Variants in CRTAC1 observed in about 807,000 individuals in gnomAD.
CRTAC1 encodes cartilage acidic protein 1.
Under a neutral mutation model 67.8 loss-of-function variants are expected in CRTAC1, and 37 were observed. The ratio of observed to expected loss-of-function variants is 0.55; its 90% CI spans 0.42 to 0.72. The LOEUF is 0.72. Ranked by LOEUF, CRTAC1 falls within the 30% of genes least tolerant of loss-of-function variation. CRTAC1 has a pLI of 0.00. For synonymous variants in CRTAC1, 348 were observed against 371.0 expected (o/e 0.94, Z 0.71); for missense variants, 780 against 931.6 (o/e 0.84, Z 2.12).
chr10:97,987,578 C>T (rs1488718199), intron 2 of CRTAC1, among the ~76,000 whole-genome samples: 1 of 152,218 alleles, frequency 6.6e-6, no homozygotes, highest in African/African-American at 2.4e-5. Context: ...CAGCAGGCTG[C>T]AAGATTTTCC....
At chr10:97,969,055 C>G (rs995714790) in intron 2 of CRTAC1, among the ~76,000 whole-genome samples, 6 of 152,168 alleles carry the variant, frequency 3.9e-5, no homozygotes, top group Non-Finnish European at 5.9e-5. Flanking sequence ...TCCTTTCCCC[C>G]CCATGTCAAA....
intron 11 of CRTAC1, among the ~76,000 whole-genome samples, chr10:97,891,130 T>C (rs2050366410): frequency 6.6e-6 from 1 of 152,230 alleles, no homozygotes; most frequent in South Asian, 2.1e-4. Flanking sequence ...AGTAAATATG[T>C]AGTCACTAAA....
chr10:98,022,367 A>AAAAG (rs1279603738), intron 1 of CRTAC1, among the ~76,000 whole-genome samples: 2 of 152,218 alleles, frequency 1.3e-5, no homozygotes, highest in South Asian at 2.1e-4. Flanking sequence ...AAAAGAAAAA[A>AAAAG]AAAGAAAGAA....
chr10:97,909,811 G>A (rs1038967445), intron 5 of CRTAC1, among the ~76,000 whole-genome samples: 3 of 152,118 alleles, frequency 2.0e-5, no homozygotes, highest in African/African-American at 7.2e-5. Flanking sequence ...GATACGAAGT[G>A]TCCATCAATG....
chr10:97,925,501 G>T (rs2050899470), intron 3 of CRTAC1, among the ~76,000 whole-genome samples: 1 of 151,812 alleles, frequency 6.6e-6, no homozygotes, highest in East Asian at 1.9e-4. Flanking sequence ...GAGTGAGTGA[G>T]AATGTGGGCA....
intron 2 of CRTAC1, among the ~76,000 whole-genome samples, chr10:97,993,564 G>A (rs1006345034): frequency 2.0e-5 from 3 of 152,174 alleles, no homozygotes; most frequent in Non-Finnish European, 4.4e-5. Context: ...CTATGCACAC[G>A]GTAGGGTAGG....
intron 2 of CRTAC1, among the ~76,000 whole-genome samples, chr10:97,997,692 G>A (rs2136680105): frequency 6.6e-6 from 1 of 152,238 alleles, no homozygotes; most frequent in Non-Finnish European, 1.5e-5. Context: ...TAAGCAGTAA[G>A]ACATTATCAG....
At chr10:97,953,672 C>A (rs1006070394) in intron 2 of CRTAC1, among the ~76,000 whole-genome samples, 1 of 152,208 alleles carries the variant, frequency 6.6e-6, no homozygotes, top group African/African-American at 2.4e-5. Flanking sequence ...TTATCTCCCC[C>A]ACCTTTCAGT....
At chr10:98,008,268 G>A (rs1439080708) in intron 2 of CRTAC1, among the ~76,000 whole-genome samples, 1 of 152,228 alleles carries the variant, frequency 6.6e-6, no homozygotes, top group Non-Finnish European at 1.5e-5. Flanking sequence ...ATGCCTTTGA[G>A]AGAGATGCTG....
intron 2 of CRTAC1, among the ~76,000 whole-genome samples, chr10:98,006,732 T>C (rs1842798186): frequency 6.6e-6 from 1 of 152,232 alleles, no homozygotes; most frequent in African/African-American, 2.4e-5. Flanking sequence ...CGGAGCGCTT[T>C]ATAAACTGAA....
At chr10:97,940,471 T>C (rs1384309450) in intron 2 of CRTAC1, among the ~76,000 whole-genome samples, 2 of 152,238 alleles carry the variant, frequency 1.3e-5, no homozygotes, top group East Asian at 1.9e-4. Flanking sequence ...GAAGCAGCTA[T>C]GGCTTCCTAA....
At position 97,901,607 on chromosome 10, in the gene CRTAC1, G is replaced by A. The variant is rs746140210; in HGVS notation, c.1029C>T (p.Ser343=). 3.7e-6 allele frequency: 6 copies of A among 1,614,082 alleles called. No homozygotes were observed. Among genetic ancestry groups the A allele is most frequent in the Non-Finnish European group, 5.1e-6 (6 of 1,180,038 alleles). ...CGGCGGTGATGACCGTGCGGACAGG[G>A]GAGGGCATGGAGAACTTGGGTGAGG... The part of the protein sequence containing the change: ...DIASPKFSMP[S]PVRTVITADF... The change falls in exon 8 of 15, where the codon TCC becomes TCT. Residue 343 remains serine, a synonymous_variant. Coordinates refer to ENST00000370597, the MANE Select transcript of CRTAC1 (RefSeq NM_018058.7).
rs112478506 is a variant in CRTAC1, at chr10:97,908,074, C to T, written c.789G>A (p.Gly263=). 8.1e-5 allele frequency: 131 copies of T among 1,614,190 alleles called. 2 individuals carry two copies. The African/African-American group carries it at 1.3e-3, about 16-fold the overall frequency. ...CCCGGTTGTGGAAAAGGAAGTTAGG[C>T]CCATTCTCATTGTCGCAGAAGATAT... ...ASDIFCDNEN[G]PNFLFHNRGD... is the part of the protein sequence containing the mutation. The change falls in exon 6 of 15, where the codon GGG becomes GGA. Residue 263 remains glycine, a synonymous_variant. Coordinates refer to ENST00000370597, the MANE Select transcript of CRTAC1 (RefSeq NM_018058.7).
At chr10:97,920,256 A>G (rs892708877) in intron 4 of CRTAC1, among the ~76,000 whole-genome samples, 3 of 152,228 alleles carry the variant, frequency 2.0e-5, no homozygotes, top group Non-Finnish European at 2.9e-5. Context: ...AGAAATTAGG[A>G]TATTTACAAA....
chr10:97,986,013 A>G (rs2051976518), intron 2 of CRTAC1, among the ~76,000 whole-genome samples: 2 of 152,186 alleles, frequency 1.3e-5, no homozygotes, highest in South Asian at 4.1e-4. Flanking sequence ...TAGCTGCAAC[A>G]GCCTCTAAAA....
At chr10:98,008,586 GAGGCTTTCCATGCTCTGAA>G (rs934900935) in intron 2 of CRTAC1, among the ~76,000 whole-genome samples, 17 of 150,972 alleles carry the variant, frequency 1.1e-4, no homozygotes, top group African/African-American at 4.0e-4. Flanking sequence ...GAGACAGGGA[GAGGCTTTCCATGCTCTGAA>G]AGGCTTTCCA....
rs963343397 is a variant in CRTAC1, at chr10:97,964,638, G to A, written c.225-28272C>T. 9.2e-5 allele frequency among the ~76,000 whole-genome samples: 14 copies of A among 152,188 alleles called. No homozygotes were observed. The South Asian group carries it at 2.9e-3, about 32-fold the overall frequency. ...TGACTTATTGACTTTGGGAAGGCTT[G>A]CCGACCACACAGTGCTGATGATGTT... On this transcript the variant is annotated intron_variant, in intron 2 of 14. Transcript: ENST00000370597.
intron 1 of CRTAC1, among the ~76,000 whole-genome samples, chr10:98,016,868 G>A (rs1843008177): frequency 6.6e-6 from 1 of 150,440 alleles, no homozygotes; most frequent in African/African-American, 2.4e-5. Flanking sequence ...TATCTAGGGA[G>A]TGTCAGAGGA....
At chr10:97,893,827 A>G (rs1420003849) in intron 11 of CRTAC1, among the ~76,000 whole-genome samples, 2 of 152,138 alleles carry the variant, frequency 1.3e-5, no homozygotes, top group African/African-American at 4.8e-5. Context: ...TGAGAATGTT[A>G]TGTAAACAAA....
Sources: gnomAD v4.1 joint callset for allele counts (sites outside exome capture counted in the v4.1 genomes callset) on GRCh38, gnomAD v4.1.1 for gene constraint, MANE v1.5 for transcripts, NCBI Gene and HGNC (gene_info 2026-07-23, HGNC 2026-07-21) for gene names.